The following FER variants were observed in gnomAD, a reference collection of about 807,000 sequenced individuals.
FER encodes FER tyrosine kinase.
In FER, 63 loss-of-function variants were observed where a neutral mutation model predicts 111.0. That is an observed-to-expected ratio of 0.57 (90% CI 0.46 to 0.70). The LOEUF (loss-of-function observed/expected upper bound fraction) is 0.70. FER is among the 30% of genes least tolerant of loss of function. The pLI, the probability that FER is intolerant of heterozygous loss-of-function variation, is 0.00. For missense variants in FER, 914 were observed against 954.0 expected (o/e 0.96, Z 0.55); for synonymous variants, 327 against 313.9 (o/e 1.04, Z -0.44).
chr5:108,752,638 A>G (rs997248740), intron 1 of FER, among the ~76,000 whole-genome samples: 3 of 152,106 alleles, frequency 2.0e-5, no homozygotes, highest in Non-Finnish European at 4.4e-5. Flanking sequence ...ATGGCTGACA[A>G]AATATGAGGC....
intron 16 of FER, among the ~76,000 whole-genome samples, chr5:109,063,309 T>A (rs527806104): frequency 6.6e-6 from 1 of 152,348 alleles, no homozygotes; most frequent in Admixed American, 6.5e-5. Context: ...ATTTTAACAG[T>A]CAGTTTCAGT....
chr5:108,924,348 G>A (rs189834536), intron 10 of FER, among the ~76,000 whole-genome samples: 54 of 113,918 alleles, frequency 4.7e-4, no homozygotes, highest in African/African-American at 1.6e-3. Flanking sequence ...CGACAAGAGC[G>A]AAACTCTGTC....
chr5:108,923,348 AT>A lies in FER; in HGVS notation c.1237-22773del, dbSNP rs1554094845. The stretch of plus-strand genomic sequence containing the variant: ...TGCAAAAAGGCAAGAAAATTAAAAA[AT>A]TTTTTTTTGATTGCATCTAATTATA... On this transcript the variant is annotated intron_variant, in intron 10 of 19. Transcript: ENST00000281092. Among the ~76,000 whole-genome samples the A allele has an allele frequency of 8.5e-4, 129 of 151,838 alleles. 1 individual carries two copies. Among genetic ancestry groups the A allele is most frequent in the African/African-American group, 2.6e-3 (108 of 41,484 alleles).
At chr5:109,019,366 G>A (rs1767625489) in intron 13 of FER, among the ~76,000 whole-genome samples, 1 of 151,654 alleles carries the variant, frequency 6.6e-6, no homozygotes, top group Admixed American at 6.6e-5. Flanking sequence ...TAATAGATAG[G>A]TCCTTCCTAG....
chr5:109,160,867 T>C (rs75688027), intron 17 of FER, among the ~76,000 whole-genome samples: 1,797 of 152,308 alleles, frequency 0.012, 41 homozygotes, highest in African/African-American at 0.04. Flanking sequence ...AATAGACCTC[T>C]AGTACCTGAA....
chr5:109,138,942 C>T (rs761502524), intron 17 of FER, among the ~76,000 whole-genome samples: 1 of 152,172 alleles, frequency 6.6e-6, no homozygotes, highest in Non-Finnish European at 1.5e-5. Flanking sequence ...GAGTACATTT[C>T]TAACAGAAGT....
At chr5:108,959,087 ATAGTTCAGTAGTGT>A in intron 12 of FER, 124 bp from the exon 13 acceptor site, 1 of 596,672 alleles carries the variant, frequency 1.7e-6, no homozygotes, top group Non-Finnish European at 2.6e-6. Flanking sequence ...TTTTAAGGGT[ATAGTTCAGTAGTGT>A]TAAGTATATT....
chr5:109,003,340 A>C (rs1480391553), intron 13 of FER, among the ~76,000 whole-genome samples: 2 of 152,200 alleles, frequency 1.3e-5, no homozygotes, highest in African/African-American at 2.4e-5. Flanking sequence ...GATGGAAACC[A>C]TCATTCTCAG....
intron 13 of FER, among the ~76,000 whole-genome samples, chr5:109,007,334 A>G (rs1011422311): frequency 6.6e-5 from 10 of 152,188 alleles, no homozygotes; most frequent in Non-Finnish European, 1.3e-4. Context: ...CATTTTACAT[A>G]GAGAAGTGAA....
In FER at chr5:108,905,640, G is replaced by A. The variant is rs540157498; in HGVS notation, c.1236+7792G>A. Among the ~76,000 whole-genome samples the A allele has an allele frequency of 4.6e-5, 7 of 152,146 alleles. No homozygotes were observed. In the East Asian group the frequency reaches 7.7e-4, roughly 17 times the overall value. On this transcript the variant is annotated intron_variant, in intron 10 of 19. Transcript: ENST00000281092. ...TTAGAAGCTGTTACAGGATTTGGTC[G>A]GAGACATGAAGCACAAGTAATTGAT...
chr5:109,037,608 G>T, intron 14 of FER, 130 bp downstream of exon 14: 1 of 610,210 alleles, frequency 1.6e-6, no homozygotes. Context: ...AGAACACAAT[G>T]CTATATCTTC....
intron 10 of FER, among the ~76,000 whole-genome samples, chr5:108,927,346 C>G (rs916482073): frequency 2.1e-5 from 3 of 145,706 alleles, no homozygotes; most frequent in African/African-American, 7.9e-5. Flanking sequence ...CTGCAAGCTC[C>G]GCTTCCCGGG....
intron 10 of FER, among the ~76,000 whole-genome samples, chr5:108,918,778 C>G (rs917920129): frequency 6.6e-5 from 10 of 151,332 alleles, no homozygotes; most frequent in Admixed American, 5.9e-4. Context: ...TGAGCCACCG[C>G]GCCCCGCCTT....
intron 10 of FER, among the ~76,000 whole-genome samples, chr5:108,938,947 C>G (rs1755887232): frequency 6.6e-6 from 1 of 151,882 alleles, no homozygotes; most frequent in Non-Finnish European, 1.5e-5. Flanking sequence ...ATTTTCTCTC[C>G]CAAAAGATGC....
At chr5:109,092,554 T>TA (rs1272390961) in intron 16 of FER, among the ~76,000 whole-genome samples, 2 of 152,042 alleles carry the variant, frequency 1.3e-5, no homozygotes, top group Non-Finnish European at 2.9e-5. Flanking sequence ...AAAACCACAA[T>TA]AAGGTATTAC....
At chr5:108,800,499 C>T (rs921202453) in intron 3 of FER, among the ~76,000 whole-genome samples, 22 of 151,916 alleles carry the variant, frequency 1.4e-4, no homozygotes, top group African/African-American at 4.1e-4. Context: ...TATAGGCATG[C>T]GCCACCATAA....
intron 3 of FER, among the ~76,000 whole-genome samples, chr5:108,810,829 G>T (rs1472243970): frequency 6.6e-6 from 1 of 152,030 alleles, no homozygotes; most frequent in Non-Finnish European, 1.5e-5. Flanking sequence ...AGATCTGCCT[G>T]GGGGTGAGGA....
chr5:109,127,083 C>T (rs896031833), intron 17 of FER, among the ~76,000 whole-genome samples: 1 of 152,102 alleles, frequency 6.6e-6, no homozygotes, highest in African/African-American at 2.4e-5. Context: ...GTGTTGGGAA[C>T]GTTCCAAGAT....
At chr5:108,999,879 T>C (rs924805892) in intron 13 of FER, among the ~76,000 whole-genome samples, 3 of 152,074 alleles carry the variant, frequency 2.0e-5, no homozygotes, top group Non-Finnish European at 4.4e-5. Context: ...TATGGATTGA[T>C]TTTTAGTCTC....
Sources: allele counts gnomAD v4.1 joint callset (sites outside exome capture counted in the v4.1 genomes callset), GRCh38; gene constraint gnomAD v4.1.1; transcripts MANE v1.5; gene names NCBI Gene and HGNC (gene_info 2026-07-23, HGNC 2026-07-21).